Variants in DNMT1 observed in about 807,000 individuals in gnomAD.
DNMT1 encodes DNA methyltransferase 1.
In DNMT1, 24 loss-of-function variants were observed where a neutral mutation model predicts 205.3. That is an observed-to-expected ratio of 0.12 (90% CI 0.08 to 0.16). The LOEUF is 0.16. DNMT1 is among the 10% of genes least tolerant of loss of function. DNMT1 has a pLI of 1.00. For missense variants in DNMT1, 1,293 were observed against 2,177.7 expected, an observed-to-expected ratio of 0.59 and a Z score of 8.09; for synonymous variants, 817 against 839.8, an observed-to-expected ratio of 0.97 and a Z score of 0.47.
Position 10,140,671 on chromosome 19 carries a change from G to T in DNMT1, c.3523+110C>A. The T allele has an allele frequency of 6.3e-7, 1 of 1,591,232 alleles. No individual in the cohort carries two copies. The highest frequency in any genetic ancestry group is 1.1e-5 in the South Asian group (1 of 90,184). ...GCGTGCGCCACCGTGCCTGGCCTCG[G>T]AAGGAGATTCTTGAGTCAGGAAGGT... is the stretch of plus-strand genomic sequence containing the variant. On this transcript the variant is annotated intron_variant, in intron 32 of 40. Transcript: ENST00000359526. The surrounding 1 kb of genome is among the most constrained non-coding windows in gnomAD (Gnocchi z 8.4).
intron 5 of DNMT1, among the ~76,000 whole-genome samples, chr19:10,179,638 G>A (rs1402329198): frequency 6.6e-6 from 1 of 152,128 alleles, no homozygotes; most frequent in Non-Finnish European, 1.5e-5. Context: ...ACACTGACCT[G>A]GGGTCCAAGT....
rs138660947 is a variant in DNMT1, at chr19:10,159,643, C to G, written c.1280+15G>C. The G allele has an allele frequency of 1.1e-5, 17 of 1,613,416 alleles. No homozygotes were observed. The East Asian group carries it at 3.3e-4, about 32-fold the overall frequency. On this transcript the variant is annotated intron_variant, in intron 17 of 40. Coordinates refer to ENST00000359526, the MANE Select transcript of DNMT1 (RefSeq NM_001130823.3). This position sits in a 1 kb window ranked among gnomAD's most constrained non-coding sequence, Gnocchi z 5.0. ...TCCTTCCACGAAGCAAACATGCACA[C>G]GAAAGTGCACTTACCTGAAGCAGGT... is the stretch of plus-strand genomic sequence containing the variant.
intron 26 of DNMT1, 35 bp from the exon 27 acceptor site, chr19:10,149,052 A>G (rs1480077915): frequency 1.2e-6 from 2 of 1,612,166 alleles, no homozygotes; most frequent in South Asian, 1.1e-5. Context: ...GGCCAGGCGC[A>G]GTGGCTCATG....
At chr19:10,188,151 C>T (rs1012053564) in intron 1 of DNMT1, among the ~76,000 whole-genome samples, 5 of 151,822 alleles carry the variant, frequency 3.3e-5, no homozygotes, top group African/African-American at 1.2e-4. Flanking sequence ...GTGGACCATG[C>T]AAGACAAGTT....
Position 10,146,914 on chromosome 19 carries a change from C to T in DNMT1, c.2721-390G>A, listed in dbSNP as rs374875301. Among the ~76,000 whole-genome samples the T allele has an allele frequency of 2.0e-5, 3 of 152,242 alleles. No individual in the cohort carries two copies. In the East Asian group the frequency reaches 5.8e-4, roughly 29 times the overall value. On this transcript the variant is annotated intron_variant, in intron 27 of 40. Coordinates refer to ENST00000359526, the MANE Select transcript of DNMT1 (RefSeq NM_001130823.3). This position sits in a 1 kb window ranked among gnomAD's most constrained non-coding sequence, Gnocchi z 4.4. ...TCAACAGGTATTTGAGGAAATTCAA[C>T]ATTATTCTTGACTAGTAAGCCCTTA... is the stretch of plus-strand genomic sequence containing the variant.
chr19:10,154,467 C>T lies in DNMT1; in HGVS notation c.1845G>A (p.Ala615=), dbSNP rs761852984. Residue 615 remains alanine (A), a synonymous_variant, in exon 22 of 41, where the codon GCG becomes GCA. Transcript: ENST00000359526. The surrounding 1 kb of genome is among the most constrained non-coding windows in gnomAD (Gnocchi z 6.3). ...GVTLGQRRAQ[A]RRQTIRHSTR... Reference sequence around the variant, plus strand: ...TAGAATGCCTGATGGTCTGCCGCCTCGCCTGGGCTCGCCTACGGGAGAGGT... The same window carrying T: ...TAGAATGCCTGATGGTCTGCCGCCTTGCCTGGGCTCGCCTACGGGAGAGGT... The T allele has an allele frequency of 7.2e-5, 116 of 1,614,118 alleles. No homozygotes were observed. The Admixed American group carries it at 1.7e-3, about 24-fold the overall frequency.
At chr19:10,173,274 A>G (rs111351629) in intron 8 of DNMT1, 100 bp from the exon 9 acceptor site, 2 of 1,171,650 alleles carry the variant, frequency 1.7e-6, no homozygotes, top group Non-Finnish European at 2.5e-6. Flanking sequence ...AGCAATCTTC[A>G]TTATCTCAGG....
rs1568234348 is a variant in DNMT1 at position 10,154,556 on chromosome 19, T to A, written c.1832+30A>T. On this transcript the variant is annotated intron_variant, in intron 21 of 40. Transcript: ENST00000359526. This position sits in a 1 kb window ranked among gnomAD's most constrained non-coding sequence, Gnocchi z 6.3. ...ATGCTCTACCCTCCCCGGTCTCCAG[T>A]CTTCACTCTGGTCCCTGCCGCATCC... 1.2e-6 allele frequency: 2 copies of A among 1,613,768 alleles called. No homozygotes were observed. The highest frequency in any genetic ancestry group is 1.7e-6 in the Non-Finnish European group (2 of 1,179,810).
chr19:10,133,534 A>T lies in DNMT1; in HGVS notation c.*133T>A. 1 of 1,003,272 alleles carries T rather than the reference A, an allele frequency of 1.0e-6. No individual in the cohort carries two copies. The highest frequency in any genetic ancestry group is 1.4e-5 in the South Asian group (1 of 71,314). 62.1% of individuals were successfully genotyped at this position (1,003,272 alleles called of 1,614,324 possible). A position where few individuals can be genotyped will look rare whatever the true frequency, so the allele number is the denominator to read the frequency against. On this transcript the variant is annotated 3_prime_UTR_variant, in exon 41 of 41. Coordinates refer to ENST00000359526, the MANE Select transcript of DNMT1 (RefSeq NM_001130823.3). The surrounding 1 kb of genome is among the most constrained non-coding windows in gnomAD (Gnocchi z 4.1). ...AGTTGATAAGCGAACCTCACACAAC[A>T]GCTTCATGTCAGCCAAGGCCACAAA...
rs554917874 is a variant in DNMT1 at position 10,154,032 on chromosome 19, A to G, written c.2019+261T>C. ...AGACTGTGAGATGCAGGCACAGCAG[A>G]GCCACCCAGAAGCCAGGCTCTTCAA... is the stretch of plus-strand genomic sequence containing the variant. On this transcript the variant is annotated intron_variant, in intron 22 of 40. Transcript: ENST00000359526. This position sits in a 1 kb window ranked among gnomAD's most constrained non-coding sequence, Gnocchi z 6.3. 2.6e-5 allele frequency among the ~76,000 whole-genome samples: 4 copies of G among 152,358 alleles called. No homozygotes were observed. Among genetic ancestry groups the G allele is most frequent in the Admixed American group, 2.6e-4 (4 of 15,300 alleles).
chr19:10,173,226 AAAG>A, intron 8 of DNMT1, 52 bp from the exon 9 acceptor site: 1 of 1,592,050 alleles, frequency 6.3e-7, no homozygotes, highest in Non-Finnish European at 8.6e-7. Context: ...GAGCTTCCCC[AAAG>A]AAGCAGTTTT....
chr19:10,163,531 C>T (rs976841196), intron 11 of DNMT1, among the ~76,000 whole-genome samples, 171 bp from the exon 12 acceptor site: 3 of 152,174 alleles, frequency 2.0e-5, no homozygotes, highest in African/African-American at 7.2e-5. Flanking sequence ...CGAGGCTTCA[C>T]TTTCCCTCAC....
At position 10,146,539 on chromosome 19, in the gene DNMT1, G is replaced by C. The variant is rs748735678; in HGVS notation, c.2721-15C>G. On this transcript the variant is annotated splice_polypyrimidine_tract_variant and intron_variant, in intron 27 of 40. Coordinates refer to ENST00000359526, the MANE Select transcript of DNMT1 (RefSeq NM_001130823.3). The surrounding 1 kb of genome is among the most constrained non-coding windows in gnomAD (Gnocchi z 4.4). ...TCACACAGAATCTGAAGGAAACAAA[G>C]GGACAGAAACATAAGGCCCTGAGGT... 5.0e-6 allele frequency: 8 copies of C among 1,613,878 alleles called. No homozygotes were observed. Among genetic ancestry groups the C allele is most frequent in the Non-Finnish European group, 6.8e-6 (8 of 1,180,036 alleles).
intron 9 of DNMT1, among the ~76,000 whole-genome samples, chr19:10,172,627 C>T (rs1215675586): frequency 6.6e-6 from 1 of 151,922 alleles, no homozygotes; most frequent in African/African-American, 2.4e-5. Flanking sequence ...AGTTCAAGAT[C>T]AGCCTGGCCA....
chr19:10,184,372 G>A (rs1316955327), intron 1 of DNMT1: 1 of 152,106 alleles, frequency 6.6e-6, no homozygotes, highest in Non-Finnish European at 1.5e-5. Flanking sequence ...GCGCCTCCCC[G>A]AATAACTCAT....
chr19:10,165,533 G>A (rs996069591), intron 11 of DNMT1, among the ~76,000 whole-genome samples: 11 of 152,162 alleles, frequency 7.2e-5, no homozygotes, highest in Non-Finnish European at 1.3e-4. Context: ...GCTGGGATTA[G>A]AGGCACATGC....
At chr19:10,162,933 C>T (rs2038606286) in intron 12 of DNMT1, 185 bp from the exon 13 acceptor site, 2 of 568,930 alleles carry the variant, frequency 3.5e-6, no homozygotes, top group African/African-American at 1.9e-5. Context: ...GGTCCCCACA[C>T]ATCTACATCA....
chr19:10,164,805 G>A (rs1244908444), intron 11 of DNMT1, among the ~76,000 whole-genome samples: 1 of 151,002 alleles, frequency 6.6e-6, no homozygotes, highest in East Asian at 1.9e-4. Context: ...GCACACGCCT[G>A]TAATCCCAGC....
At chr19:10,163,212 C>A in intron 12 of DNMT1, 114 bp downstream of exon 12, 1 of 1,178,320 alleles carries the variant, frequency 8.5e-7, no homozygotes, top group South Asian at 1.2e-5. Context: ...GGTGATTCAC[C>A]CACCTCAGCC....
Sources: allele counts gnomAD v4.1 joint callset (sites outside exome capture counted in the v4.1 genomes callset), GRCh38; gene constraint gnomAD v4.1.1; non-coding constraint Gnocchi (gnomAD v3.1); transcripts MANE v1.5; gene names NCBI Gene and HGNC (gene_info 2026-07-23, HGNC 2026-07-21).